The following MROH9 variants were observed in gnomAD, a reference collection of about 807,000 sequenced individuals.
MROH9 encodes the protein maestro heat like repeat family member 9.
MROH9 carries 92 observed loss-of-function variants against 98.2 expected under a neutral mutation model. The observed-to-expected ratio is 0.94, with a 90% CI of 0.79 to 1.11. The LOEUF is 1.11. MROH9 is among the 50% of genes most tolerant of loss of function. The probability of loss-of-function intolerance (pLI) is 0.00; values close to 1 mark genes in which losing one functional copy is unlikely to be tolerated. For synonymous variants in MROH9, 397 were observed against 368.9 expected (o/e 1.08, Z -0.87); for missense variants, 1,057 against 1,014.8 (o/e 1.04, Z -0.57).
intron 8 of MROH9, among the ~76,000 whole-genome samples, chr1:170,979,779 T>C (rs1046905282): frequency 2.0e-5 from 3 of 152,094 alleles, no homozygotes; most frequent in Non-Finnish European, 2.9e-5. Context: ...CAAAACTCTG[T>C]AAGAGGAAGA....
intron 20 of MROH9, among the ~76,000 whole-genome samples, chr1:171,027,739 T>C (rs1047602640): frequency 2.0e-5 from 3 of 152,240 alleles, no homozygotes; most frequent in African/African-American, 7.2e-5. Flanking sequence ...TTTTTAATAA[T>C]TGCCATTCTG....
At chr1:170,991,626 G>A (rs2101808323) in intron 11 of MROH9, among the ~76,000 whole-genome samples, 1 of 152,248 alleles carries the variant, frequency 6.6e-6, no homozygotes, top group South Asian at 2.1e-4. Context: ...TGAGAGGCCA[G>A]GATTTTAATA....
intron 20 of MROH9, among the ~76,000 whole-genome samples, chr1:171,057,312 T>C (rs1259319932): frequency 6.6e-6 from 1 of 152,122 alleles, no homozygotes; most frequent in Non-Finnish European, 1.5e-5. Context: ...AAGAACTTCA[T>C]GAGGCATACA....
Position 171,057,261 on chromosome 1 carries a change from G to C in MROH9, c.2282-4871G>C, listed in dbSNP as rs139581387. ...TGCTAACTAGAATAACCAGTTTAGAGAGGAACAGAAATGACCTAATGGAGC... is the reference window on the plus strand; with the variant it reads ...TGCTAACTAGAATAACCAGTTTAGACAGGAACAGAAATGACCTAATGGAGC... On this transcript the variant is annotated intron_variant, in intron 20 of 21. Transcript: ENST00000367759. 3.6e-3 allele frequency among the ~76,000 whole-genome samples: 555 copies of C among 152,332 alleles called. 1 individual carries two copies. Among genetic ancestry groups the C allele is most frequent in the Non-Finnish European group, 6.3e-3 (431 of 68,034 alleles).
intron 17 of MROH9, among the ~76,000 whole-genome samples, chr1:171,019,944 A>AC (rs1015194110): frequency 1.3e-5 from 2 of 151,952 alleles, no homozygotes; most frequent in East Asian, 1.9e-4. Flanking sequence ...ATCACCACTG[A>AC]CCCCCCAGCA....
chr1:170,972,831 C>T (rs28587486), intron 8 of MROH9, among the ~76,000 whole-genome samples: 204 of 59,890 alleles, frequency 3.4e-3, no homozygotes, highest in African/African-American at 0.011. Context: ...AAAAAAAATA[C>T]ACACACACAC....
Position 170,970,702 on chromosome 1 carries a change from C to CTGTGTGTGTGTGTGTGTGTGTGTG in MROH9, c.481-1039_481-1016dup, listed in dbSNP as rs3980698. On this transcript the variant is annotated intron_variant, in intron 7 of 21. Coordinates refer to ENST00000367759, the MANE Select transcript of MROH9 (RefSeq NM_001163629.2). Reference sequence around the variant, plus strand: ...CTTCATATTTCTTCCTTAGGAATTTCTGTGTGTGTGTGTGTGTGTGTGTGT... The same window carrying CTGTGTGTGTGTGTGTGTGTGTGTG: ...CTTCATATTTCTTCCTTAGGAATTTCTGTGTGTGTGTGTGTGTGTGTGTGTGTGTGTGTGTGTGTGTGTGTGTGT... Among the ~76,000 whole-genome samples the CTGTGTGTGTGTGTGTGTGTGTGTG allele has an allele frequency of 2.3e-3, 273 of 118,414 alleles. 2 individuals carry two copies. The Middle Eastern group carries it at 0.025, about 11-fold the overall frequency. 77.7% of individuals were successfully genotyped at this position (118,414 alleles called of 152,430 possible).
intron 1 of MROH9, among the ~76,000 whole-genome samples, chr1:170,939,538 T>C (rs936710307): frequency 1.3e-5 from 2 of 152,226 alleles, no homozygotes; most frequent in African/African-American, 4.8e-5. Flanking sequence ...GAAGCCATAG[T>C]TGCAGGCTAA....
At chr1:170,967,627 G>A (rs1452769477) in intron 7 of MROH9, among the ~76,000 whole-genome samples, 2 of 152,140 alleles carry the variant, frequency 1.3e-5, no homozygotes, top group African/African-American at 4.8e-5. Context: ...GTCCTCCAGA[G>A]TGTCAGAGAT....
At chr1:171,062,993 CCATT>C (rs1306509479) in intron 21 of MROH9, among the ~76,000 whole-genome samples, 2 of 152,210 alleles carry the variant, frequency 1.3e-5, no homozygotes, top group African/African-American at 2.4e-5. Flanking sequence ...ATTCACTCAT[CCATT>C]CATTCATTCA....
rs1557864425 is a variant in MROH9 at position 170,937,513 on chromosome 1, G to GT, written c.-38+1927dup. 2.7e-4 allele frequency among the ~76,000 whole-genome samples: 38 copies of GT among 139,264 alleles called. 1 individual carries two copies. The highest frequency in any genetic ancestry group is 1.0e-3 in the African/African-American group (38 of 37,458). 91.4% of individuals were successfully genotyped at this position (139,264 alleles called of 152,430 possible). ...TGCACTGATCACAGCATCATAATCA[G>GT]TATTTTTTTTTTTTTTTTTTTTTTT... On this transcript the variant is annotated intron_variant, in intron 1 of 21. Coordinates refer to ENST00000367759, the MANE Select transcript of MROH9 (RefSeq NM_001163629.2).
chr1:171,024,844 A>T, intron 19 of MROH9, 79 bp downstream of exon 19: 2 of 854,922 alleles, frequency 2.3e-6, no homozygotes, highest in Admixed American at 4.5e-5. Context: ...AAAAACTGTA[A>T]TGGGGATAAG....
intron 7 of MROH9, among the ~76,000 whole-genome samples, chr1:170,966,943 G>A (rs866038623): frequency 2.0e-5 from 3 of 152,206 alleles, no homozygotes; most frequent in South Asian, 2.1e-4. Flanking sequence ...ACAATTGTTT[G>A]ACTAGAGCCT....
intron 1 of MROH9, among the ~76,000 whole-genome samples, chr1:170,937,396 G>GA (rs1488186973): frequency 6.7e-6 from 1 of 149,830 alleles, no homozygotes; most frequent in African/African-American, 2.5e-5. Flanking sequence ...AATAAGAAAA[G>GA]AAAAAATATT....
intron 16 of MROH9, 106 bp downstream of exon 16, chr1:171,014,360 T>C: frequency 9.5e-7 from 1 of 1,055,328 alleles, no homozygotes; most frequent in Non-Finnish European, 1.3e-6. Flanking sequence ...TTTCAGTCTC[T>C]ATATAACTAA....
At chr1:170,952,189 T>C (rs1475781279) in intron 3 of MROH9, among the ~76,000 whole-genome samples, 2 of 151,914 alleles carry the variant, frequency 1.3e-5, no homozygotes, top group Non-Finnish European at 2.9e-5. Context: ...GAAGTCAGTG[T>C]GGCGATTCCT....
intron 6 of MROH9, among the ~76,000 whole-genome samples, chr1:170,964,793 A>G (rs1210576489): frequency 6.6e-6 from 1 of 152,114 alleles, no homozygotes; most frequent in Non-Finnish European, 1.5e-5. Context: ...ATTGTCATTT[A>G]AAAATAAAAG....
At chr1:171,011,476 A>G (rs1210951345) in intron 15 of MROH9, among the ~76,000 whole-genome samples, 1 of 152,194 alleles carries the variant, frequency 6.6e-6, no homozygotes, top group African/African-American at 2.4e-5. Context: ...TATTTCAATG[A>G]TCTAGTTTTC....
At chr1:171,017,792 A>C (rs752755553) in intron 17 of MROH9, among the ~76,000 whole-genome samples, 1 of 152,162 alleles carries the variant, frequency 6.6e-6, no homozygotes. Context: ...ACTGTTGACG[A>C]GTGCCTCTTC....
Sources: gnomAD v4.1 joint callset for allele counts (sites outside exome capture counted in the v4.1 genomes callset) on GRCh38, gnomAD v4.1.1 for gene constraint, MANE v1.5 for transcripts, NCBI Gene and HGNC (gene_info 2026-07-23, HGNC 2026-07-21) for gene names.